KCNJ6: variants seen among roughly 807,000 people sequenced by gnomAD.
KCNJ6 encodes G protein-activated inward rectifier potassium channel 2.
KCNJ6 carries 9 observed loss-of-function variants against 34.2 expected under a neutral mutation model. The ratio of observed to expected loss-of-function variants is 0.26; its 90% confidence interval spans 0.16 to 0.46. The LOEUF (loss-of-function observed/expected upper bound fraction) is 0.46, where lower values mean the gene tolerates loss of function less well. Among genes scored for constraint, KCNJ6 ranks in the 20% least tolerant of loss-of-function variants. The probability of loss-of-function intolerance (pLI) is 1.00; values close to 1 mark genes in which losing one functional copy is unlikely to be tolerated. For missense variants in KCNJ6, 236 were observed against 531.3 expected (o/e 0.44, Z 5.46); for synonymous variants, 196 against 207.1 (o/e 0.95, Z 0.46).
intron 1 of KCNJ6, among the ~76,000 whole-genome samples, chr21:37,883,068 A>G (rs892065186): frequency 6.6e-6 from 1 of 152,210 alleles, no homozygotes; most frequent in Admixed American, 6.5e-5. Context: ...ACGCCGGTGC[A>G]GGCCTTCACT....
intron 2 of KCNJ6, among the ~76,000 whole-genome samples, chr21:37,731,226 A>C (rs2054883418): frequency 6.6e-6 from 1 of 152,166 alleles, no homozygotes; most frequent in African/African-American, 2.4e-5. Flanking sequence ...CCAGTGGAGC[A>C]GAAGAAGTGG....
At position 37,650,755 on chromosome 21, in the gene KCNJ6, C is replaced by A. The variant is rs142935844; in HGVS notation, c.947-25271G>T. 1.4e-4 allele frequency among the ~76,000 whole-genome samples: 21 copies of A among 152,324 alleles called. No individual in the cohort carries two copies. The East Asian group carries it at 3.9e-3, about 28-fold the overall frequency. On this transcript the variant is annotated intron_variant, in intron 3 of 3. Transcript: ENST00000609713. ...TTATCAAAAGAATTTTGGCATAAGT[C>A]TTCCTTCCCCAACTAGGCTGTCAGT... is the stretch of plus-strand genomic sequence containing the variant.
Position 37,650,352 on chromosome 21 carries a change from A to G in KCNJ6, c.947-24868T>C, listed in dbSNP as rs145176927. 4.2e-3 allele frequency among the ~76,000 whole-genome samples: 632 copies of G among 152,224 alleles called. 7 individuals carry two copies. Among genetic ancestry groups the G allele is most frequent in the African/African-American group, 0.014 (597 of 41,528 alleles). On this transcript the variant is annotated intron_variant, in intron 3 of 3. Transcript: ENST00000609713. ...CTCCACATGAGTTGTGACAAGCTCC[A>G]TTACTTTCCTGAGCCTCAGTTTCCT...
Position 37,730,323 on chromosome 21 carries a change from C to CTATA in KCNJ6, c.26-15196_26-15193dup, listed in dbSNP as rs370717218. Among the ~76,000 whole-genome samples, 1,409 of 152,304 alleles carry CTATA rather than the reference C, an allele frequency of 9.3e-3. 15 individuals carry two copies. The highest frequency in any genetic ancestry group is 0.032 in the African/African-American group (1,334 of 41,554). On this transcript the variant is annotated intron_variant, in intron 2 of 3. Coordinates refer to ENST00000609713, the MANE Select transcript of KCNJ6 (RefSeq NM_002240.5). Reference sequence around the variant, plus strand: ...GGGAGCCTGGTGACAAGGTGCTTGGCTATAGTGCCTGGTGGGCCTGGGTTG... The same window carrying CTATA: ...GGGAGCCTGGTGACAAGGTGCTTGGCTATATATAGTGCCTGGTGGGCCTGGGTTG...
In KCNJ6 at chr21:37,804,351, TA is replaced by T. The variant is rs575773508; in HGVS notation, c.25+36306del. Among the ~76,000 whole-genome samples, 336 of 152,348 alleles carry T rather than the reference TA, an allele frequency of 2.2e-3. 2 individuals are homozygous for T. The highest frequency in any genetic ancestry group is 7.5e-3 in the African/African-American group (313 of 41,580). ...CTCCTAGGTGCATACCCCCCAAAAT[TA>T]AAAACCTATGTCCACACAAAAATTA... On this transcript the variant is annotated intron_variant, in intron 2 of 3. Transcript: ENST00000609713.
At chr21:37,896,523 T>C (rs1416752122) in intron 1 of KCNJ6, among the ~76,000 whole-genome samples, 1 of 152,150 alleles carries the variant, frequency 6.6e-6, no homozygotes, top group Non-Finnish European at 1.5e-5. Flanking sequence ...GCCTGGAACA[T>C]TACGGGCACG....
chr21:37,780,440 A>T (rs1001235029), intron 2 of KCNJ6, among the ~76,000 whole-genome samples: 11 of 152,230 alleles, frequency 7.2e-5, no homozygotes, highest in Non-Finnish European at 1.6e-4. Context: ...TACAACATAG[A>T]GTGAACCCTA....
At chr21:37,633,397 G>A (rs1205099504) in intron 3 of KCNJ6, among the ~76,000 whole-genome samples, 1 of 152,064 alleles carries the variant, frequency 6.6e-6, no homozygotes, top group Admixed American at 6.5e-5. Context: ...TTAAAGTCAG[G>A]ACCAGTGATT....
chr21:37,889,172 G>T (rs2055749862), intron 1 of KCNJ6, among the ~76,000 whole-genome samples: 1 of 152,184 alleles, frequency 6.6e-6, no homozygotes, highest in Non-Finnish European at 1.5e-5. Context: ...AAGTTGTTCT[G>T]CTACTCCCTA....
At chr21:37,773,500 C>T (rs2055127695) in intron 2 of KCNJ6, among the ~76,000 whole-genome samples, 1 of 152,090 alleles carries the variant, frequency 6.6e-6, no homozygotes, top group South Asian at 2.1e-4. Context: ...CTCCCTTCAT[C>T]CCTCCCCTTC....
At chr21:37,892,573 G>A (rs2055767283) in intron 1 of KCNJ6, among the ~76,000 whole-genome samples, 1 of 152,144 alleles carries the variant, frequency 6.6e-6, no homozygotes, top group Non-Finnish European at 1.5e-5. Context: ...TGCTCACTTA[G>A]GTCCCTGCTG....
intron 2 of KCNJ6, among the ~76,000 whole-genome samples, 194 bp from the exon 3 acceptor site, chr21:37,715,325 T>A (rs1042405750): frequency 2.6e-5 from 4 of 152,200 alleles, no homozygotes; most frequent in Admixed American, 2.0e-4. Context: ...TGCTCTTCGA[T>A]CTAGTTTGTG....
intron 1 of KCNJ6, among the ~76,000 whole-genome samples, chr21:37,890,366 G>A (rs1568886333): frequency 6.6e-6 from 1 of 152,212 alleles, no homozygotes; most frequent in Non-Finnish European, 1.5e-5. Flanking sequence ...CCCATGACTA[G>A]TGGGGATTAC....
intron 2 of KCNJ6, among the ~76,000 whole-genome samples, chr21:37,799,072 C>T (rs1382865021): frequency 6.6e-6 from 1 of 152,184 alleles, no homozygotes; most frequent in Non-Finnish European, 1.5e-5. Flanking sequence ...TCCCTCCTCC[C>T]ATGCTCCACT....
chr21:37,812,595 T>C (rs1306950871), intron 2 of KCNJ6, among the ~76,000 whole-genome samples: 1 of 152,212 alleles, frequency 6.6e-6, no homozygotes, highest in East Asian at 1.9e-4. Context: ...ATCCCTGGCA[T>C]GCAAGGATGG....
intron 1 of KCNJ6, among the ~76,000 whole-genome samples, chr21:37,878,260 T>C (rs2055688950): frequency 7.3e-6 from 1 of 136,398 alleles, no homozygotes; most frequent in Non-Finnish European, 1.5e-5. Context: ...GCTGCATTTG[T>C]GGGATTTTTT....
chr21:37,688,797 T>C (rs2054626889), intron 3 of KCNJ6, among the ~76,000 whole-genome samples: 1 of 152,188 alleles, frequency 6.6e-6, no homozygotes, highest in Non-Finnish European at 1.5e-5. Context: ...TAGTAAGTAT[T>C]AATATTTTTC....
rs1213813930 is a variant in KCNJ6, at chr21:37,624,486, T to G, written c.*673A>C. The stretch of plus-strand genomic sequence containing the variant: ...ATCTTTCTTTCTTTCTTTTTTTTTT[T>G]GCTTCTTATTTCTAAAGTTATATAT... On this transcript the variant is annotated 3_prime_UTR_variant, in exon 4 of 4. Coordinates refer to ENST00000609713, the MANE Select transcript of KCNJ6 (RefSeq NM_002240.5). 1 of 152,140 alleles carries G rather than the reference T, an allele frequency of 6.6e-6. No individual in the cohort carries two copies. The highest frequency in any genetic ancestry group is 2.4e-5 in the African/African-American group (1 of 41,442). 9.4% of individuals were successfully genotyped at this position (152,140 alleles called of 1,614,324 possible).
rs749506178 is a variant in KCNJ6, at chr21:37,715,147, AAAG to A, written c.26-19_26-17del. On this transcript the variant is annotated splice_polypyrimidine_tract_variant and intron_variant, in intron 2 of 3. Coordinates refer to ENST00000609713, the MANE Select transcript of KCNJ6 (RefSeq NM_002240.5). ...AGGACGTTAGCTGGTGGTTTGGAGA[AAAG>A]AAAAGAAACACTGAATGAAAGGCTG... 6 of 1,595,576 alleles carry A rather than the reference AAAG, an allele frequency of 3.8e-6. No individual in the cohort carries two copies. In the Admixed American group the frequency reaches 7.1e-5, roughly 19 times the overall value.
Sources: allele counts gnomAD v4.1 joint callset (sites outside exome capture counted in the v4.1 genomes callset), GRCh38; gene constraint gnomAD v4.1.1; transcripts MANE v1.5; gene names NCBI Gene and HGNC (gene_info 2026-07-23, HGNC 2026-07-21).